Variants in IGF2BP2 observed in about 807,000 individuals in gnomAD.
IGF2BP2 encodes the protein insulin-like growth factor 2 mRNA-binding protein 2.
IGF2BP2 carries 17 observed loss-of-function variants against 75.8 expected under a neutral mutation model. The observed-to-expected ratio is 0.22, with a 90% CI of 0.15 to 0.34. The LOEUF (loss-of-function observed/expected upper bound fraction) is 0.34. Among genes scored for constraint, IGF2BP2 ranks in the 10% least tolerant of loss-of-function variants. IGF2BP2 has a pLI of 1.00. For synonymous variants in IGF2BP2, 288 were observed against 295.6 expected, an observed-to-expected ratio of 0.97 and a Z score of 0.26; for missense variants, 516 against 772.4, an observed-to-expected ratio of 0.67 and a Z score of 3.93.
intron 2 of IGF2BP2, among the ~76,000 whole-genome samples, chr3:185,787,158 A>G (rs1470400406): frequency 1.3e-5 from 2 of 152,166 alleles, no homozygotes; most frequent in African/African-American, 4.8e-5. Context: ...TTACTGTTTA[A>G]TGGGTATAGA....
chr3:185,660,357 A>G (rs1716221863), intron 10 of IGF2BP2, among the ~76,000 whole-genome samples: 1 of 152,214 alleles, frequency 6.6e-6, no homozygotes, highest in South Asian at 2.1e-4. Context: ...TCTCACAGTG[A>G]CAGGCAATGC....
intron 2 of IGF2BP2, among the ~76,000 whole-genome samples, chr3:185,800,812 T>C (rs1334321268): frequency 2.0e-5 from 3 of 152,010 alleles, no homozygotes; most frequent in Non-Finnish European, 4.4e-5. Context: ...TGTGCAAAGA[T>C]TTCATGACTA....
chr3:185,742,032 T>G (rs1439390119), intron 2 of IGF2BP2, among the ~76,000 whole-genome samples: 1 of 152,182 alleles, frequency 6.6e-6, no homozygotes, highest in African/African-American at 2.4e-5. Flanking sequence ...TTTCCATTAG[T>G]TTTCCATAGC....
At chr3:185,808,725 A>AT (rs71164545) in intron 2 of IGF2BP2, among the ~76,000 whole-genome samples, 5,546 of 140,988 alleles carry the variant, frequency 0.039, 148 homozygotes, top group South Asian at 0.071. Context: ...ACACCTGGCT[A>AT]TTTTTTTTTT....
chr3:185,767,333 A>C (rs1733222136), intron 2 of IGF2BP2, among the ~76,000 whole-genome samples: 1 of 152,242 alleles, frequency 6.6e-6, no homozygotes, highest in African/African-American at 2.4e-5. Flanking sequence ...GTTCAGAAGA[A>C]ATCCTTATAA....
chr3:185,727,230 AAAAAGT>A (rs1727470100), intron 2 of IGF2BP2, among the ~76,000 whole-genome samples: 1 of 151,964 alleles, frequency 6.6e-6, no homozygotes, highest in Admixed American at 6.5e-5. Flanking sequence ...AAAAAAAAAA[AAAAAGT>A]AAAAGAAAAA....
At position 185,652,002 on chromosome 3, in the gene IGF2BP2, G is replaced by A. The variant is rs567216450; in HGVS notation, c.1461+92C>T. 14 of 951,322 alleles carry A rather than the reference G, an allele frequency of 1.5e-5. No individual in the cohort carries two copies. In the South Asian group the frequency reaches 2.7e-4, roughly 19 times the overall value. The allele number at this position is 951,322 out of a possible 1,614,324, so 58.9% of individuals were successfully genotyped here. On this transcript the variant is annotated intron_variant, in intron 13 of 15. Coordinates refer to ENST00000382199, the MANE Select transcript of IGF2BP2 (RefSeq NM_006548.6). ...GGCAGCAGCAGGGAGGGAAATGGAG[G>A]CTGGGCCTCCAAAGAAGAGCCTTGA...
chr3:185,741,916 G>C (rs1327976112), intron 2 of IGF2BP2, among the ~76,000 whole-genome samples: 47 of 152,246 alleles, frequency 3.1e-4, no homozygotes, highest in Non-Finnish European at 1.5e-5. Context: ...TGAGAAACAT[G>C]AACAACCCCT....
intron 2 of IGF2BP2, among the ~76,000 whole-genome samples, chr3:185,765,586 G>A (rs184064813): frequency 2.6e-5 from 4 of 152,264 alleles, no homozygotes; most frequent in South Asian, 2.1e-4. Context: ...TGCACCTAGA[G>A]GGAAAAGAGG....
At chr3:185,742,299 G>C (rs1348407713) in intron 2 of IGF2BP2, among the ~76,000 whole-genome samples, 1 of 151,892 alleles carries the variant, frequency 6.6e-6, no homozygotes, top group Non-Finnish European at 1.5e-5. Flanking sequence ...TTCGAGACCA[G>C]CCAGGCCAAC....
intron 2 of IGF2BP2, among the ~76,000 whole-genome samples, chr3:185,763,777 G>A (rs891681133): frequency 2.0e-5 from 3 of 152,110 alleles, no homozygotes; most frequent in African/African-American, 7.2e-5. Context: ...CCAGGAAGTG[G>A]GATTAAGAAT....
chr3:185,660,714 G>T (rs1046156116), intron 10 of IGF2BP2, among the ~76,000 whole-genome samples: 2 of 152,164 alleles, frequency 1.3e-5, no homozygotes, highest in African/African-American at 4.8e-5. Context: ...AGGACCCCCT[G>T]GAAAGAACAT....
intron 2 of IGF2BP2, among the ~76,000 whole-genome samples, chr3:185,788,771 G>T (rs1736235480): frequency 6.9e-6 from 1 of 145,312 alleles, no homozygotes; most frequent in Non-Finnish European, 1.5e-5. Flanking sequence ...CTGGAGCGCA[G>T]TGGCGCGATC....
intron 2 of IGF2BP2, chr3:185,717,661 G>A (rs897122908): frequency 1.3e-5 from 2 of 152,254 alleles, no homozygotes; most frequent in African/African-American, 2.4e-5. Context: ...AGGCCCACAG[G>A]AGCTGGAGAG....
intron 10 of IGF2BP2, among the ~76,000 whole-genome samples, chr3:185,660,374 T>A (rs1308958041): frequency 2.6e-5 from 4 of 152,020 alleles, no homozygotes; most frequent in African/African-American, 9.7e-5. Flanking sequence ...ATGCCCTCCA[T>A]CCCCCGAATC....
Position 185,643,709 on chromosome 3 carries a change from C to G in IGF2BP2, c.*1822G>C, listed in dbSNP as rs1337135780. ...GCTGACACCTGGGATGAGGCAATGC[C>G]TAGTAAAATAAAACACCAAGACACC... On this transcript the variant is annotated 3_prime_UTR_variant, in exon 16 of 16. Transcript: ENST00000382199. The G allele has an allele frequency of 6.6e-6, 1 of 152,118 alleles. No individual in the cohort carries two copies. The highest frequency in any genetic ancestry group is 1.9e-4 in the East Asian group (1 of 5,186). 9.4% of individuals were successfully genotyped at this position (152,118 alleles called of 1,614,324 possible).
At chr3:185,823,731 C>T (rs1741657006) in intron 1 of IGF2BP2, among the ~76,000 whole-genome samples, 1 of 151,952 alleles carries the variant, frequency 6.6e-6, no homozygotes. Context: ...GCCGCCGCCC[C>T]GCCCCCACTC....
chr3:185,776,880 C>T (rs1734598229), intron 2 of IGF2BP2, among the ~76,000 whole-genome samples: 1 of 152,050 alleles, frequency 6.6e-6, no homozygotes, highest in African/African-American at 2.4e-5. Flanking sequence ...TTTGAGGCAG[C>T]TTATGGTAAA....
chr3:185,664,471 T>C (rs1488626220), intron 10 of IGF2BP2, among the ~76,000 whole-genome samples: 1 of 152,176 alleles, frequency 6.6e-6, no homozygotes, highest in Admixed American at 6.5e-5. Context: ...GAAGCCCAGC[T>C]GCACAAGACA....
Sources: gnomAD v4.1 joint callset for allele counts (sites outside exome capture counted in the v4.1 genomes callset) on GRCh38, gnomAD v4.1.1 for gene constraint, MANE v1.5 for transcripts, NCBI Gene and HGNC (gene_info 2026-07-23, HGNC 2026-07-21) for gene names.